CBFA2T2: variants seen among roughly 807,000 people sequenced by gnomAD.
The protein encoded by CBFA2T2 is CBFA2/RUNX1 partner transcriptional co-repressor 2, also known as protein CBFA2T2.
A neutral mutation model predicts 62.2 loss-of-function variants in CBFA2T2; 11 were observed. That is an observed-to-expected ratio of 0.18 (90% CI 0.11 to 0.29). The LOEUF (loss-of-function observed/expected upper bound fraction) is 0.29. Among genes scored for constraint, CBFA2T2 ranks in the 10% least tolerant of loss-of-function variants. The probability of loss-of-function intolerance (pLI) is 1.00; values close to 1 mark genes in which losing one functional copy is unlikely to be tolerated. For synonymous variants in CBFA2T2, 295 were observed against 287.5 expected (o/e 1.03, Z -0.27); for missense variants, 592 against 774.1 (o/e 0.76, Z 2.79).
At chr20:33,552,905 C>T (rs1264538574) in intron 1 of CBFA2T2, among the ~76,000 whole-genome samples, 2 of 152,132 alleles carry the variant, frequency 1.3e-5, no homozygotes, top group Non-Finnish European at 2.9e-5. Flanking sequence ...CATCTCCACC[C>T]CATCCCCCTT....
chr20:33,561,675 G>A (rs1228532073), intron 1 of CBFA2T2, among the ~76,000 whole-genome samples: 2 of 152,014 alleles, frequency 1.3e-5, no homozygotes, highest in Non-Finnish European at 2.9e-5. Context: ...TTATTTTGGC[G>A]ACTCATTGTT....
intron 1 of CBFA2T2, among the ~76,000 whole-genome samples, chr20:33,524,535 G>A (rs1376988009): frequency 1.3e-5 from 2 of 152,108 alleles, no homozygotes; most frequent in Non-Finnish European, 2.9e-5. Flanking sequence ...AGATGGGCAT[G>A]CCATGAACTT....
At chr20:33,502,816 C>T (rs1326421191) in intron 1 of CBFA2T2, among the ~76,000 whole-genome samples, 4 of 148,936 alleles carry the variant, frequency 2.7e-5, no homozygotes, top group Non-Finnish European at 5.9e-5. Flanking sequence ...GGAGGCCGGG[C>T]GCGGTGGCTC....
chr20:33,542,063 T>C (rs1381667182), intron 1 of CBFA2T2, among the ~76,000 whole-genome samples: 1 of 152,104 alleles, frequency 6.6e-6, no homozygotes, highest in Non-Finnish European at 1.5e-5. Flanking sequence ...AACTTTAGTG[T>C]ATAGAGGAGT....
At chr20:33,536,276 G>A (rs1309226989) in intron 1 of CBFA2T2, among the ~76,000 whole-genome samples, 1 of 140,068 alleles carries the variant, frequency 7.1e-6, no homozygotes, top group Non-Finnish European at 1.6e-5. Context: ...TCTCCCAGAC[G>A]GGGCGGCTGG....
At chr20:33,556,733 C>CT (rs2012906461) in intron 1 of CBFA2T2, among the ~76,000 whole-genome samples, 1 of 152,096 alleles carries the variant, frequency 6.6e-6, no homozygotes, top group Non-Finnish European at 1.5e-5. Context: ...CTGCACCCTA[C>CT]TAGTGGTAAT....
At chr20:33,534,559 C>T (rs751012661) in intron 1 of CBFA2T2, among the ~76,000 whole-genome samples, 19 of 152,026 alleles carry the variant, frequency 1.2e-4, no homozygotes, top group Non-Finnish European at 2.5e-4. Flanking sequence ...GTGATCCGTC[C>T]ACCTCGGCCT....
chr20:33,530,807 G>A (rs148092000), intron 1 of CBFA2T2, among the ~76,000 whole-genome samples: 211 of 152,216 alleles, frequency 1.4e-3, no homozygotes, highest in African/African-American at 4.8e-3. Context: ...GGCGCCAGGC[G>A]CGGTGGCTCA....
intron 1 of CBFA2T2, among the ~76,000 whole-genome samples, chr20:33,497,955 T>C (rs1391798275): frequency 6.6e-6 from 1 of 152,216 alleles, no homozygotes; most frequent in African/African-American, 2.4e-5. Flanking sequence ...AATGCTAGGA[T>C]TGCAGATGTG....
chr20:33,612,093 A>G (rs1038687997), intron 3 of CBFA2T2, among the ~76,000 whole-genome samples: 5 of 152,250 alleles, frequency 3.3e-5, no homozygotes, highest in Admixed American at 3.3e-4. Flanking sequence ...TATCAAAATA[A>G]ACAGTATCAA....
chr20:33,633,798 A>G (rs1384663972), intron 8 of CBFA2T2, among the ~76,000 whole-genome samples: 1 of 148,080 alleles, frequency 6.8e-6, no homozygotes, highest in Non-Finnish European at 1.5e-5. Flanking sequence ...AAATACTACT[A>G]TGGCTTGCCA....
intron 1 of CBFA2T2, among the ~76,000 whole-genome samples, chr20:33,515,440 A>C (rs1209610826): frequency 6.6e-6 from 1 of 151,898 alleles, no homozygotes; most frequent in Non-Finnish European, 1.5e-5. Context: ...ATCCTGCTCA[A>C]TGAGGGATAA....
intron 10 of CBFA2T2, among the ~76,000 whole-genome samples, chr20:33,642,655 G>A (rs963498657): frequency 2.6e-5 from 4 of 151,996 alleles, no homozygotes. Flanking sequence ...AGATGAGGGG[G>A]AAAGAAAAGA....
chr20:33,538,623 C>T (rs2012328946), intron 1 of CBFA2T2, among the ~76,000 whole-genome samples: 1 of 152,184 alleles, frequency 6.6e-6, no homozygotes, highest in African/African-American at 2.4e-5. Flanking sequence ...ACCTCGGCCT[C>T]CCAAAGTGCT....
At chr20:33,534,426 C>A (rs1308956381) in intron 1 of CBFA2T2, among the ~76,000 whole-genome samples, 1 of 152,096 alleles carries the variant, frequency 6.6e-6, no homozygotes, top group East Asian at 1.9e-4. Flanking sequence ...TTCAAGTGAT[C>A]CTGAACTTCC....
intron 8 of CBFA2T2, among the ~76,000 whole-genome samples, chr20:33,630,951 G>A (rs1323276621): frequency 6.6e-6 from 1 of 152,178 alleles, no homozygotes; most frequent in African/African-American, 2.4e-5. Context: ...ACAACCATTA[G>A]GTGGAATATC....
At chr20:33,570,892 T>G (rs2013534566) in intron 1 of CBFA2T2, among the ~76,000 whole-genome samples, 2 of 152,202 alleles carry the variant, frequency 1.3e-5, no homozygotes, top group South Asian at 4.1e-4. Context: ...GAACTGAGGT[T>G]TCCACAAGCA....
rs2011135691 is a variant in CBFA2T2, at chr20:33,490,184, G to A, written c.-84G>A. 6 of 1,194,292 alleles carry A rather than the reference G, an allele frequency of 5.0e-6. No homozygotes were observed. The highest frequency in any genetic ancestry group is 4.4e-5 in the Admixed American group (1 of 22,512). The allele number at this position is 1,194,292 out of a possible 1,614,324, so 74.0% of individuals were successfully genotyped here. ...TCGCGGCGACGCCTGCGAGGGACCC[G>A]GGCCGCGGGTCGAGGCGGGCGGCGC... On this transcript the variant is annotated 5_prime_UTR_variant, in exon 1 of 11. Coordinates refer to ENST00000342704, the MANE Select transcript of CBFA2T2 (RefSeq NM_001032999.3).
At chr20:33,635,251 A>G (rs868408925) in intron 8 of CBFA2T2, among the ~76,000 whole-genome samples, 5 of 152,236 alleles carry the variant, frequency 3.3e-5, no homozygotes, top group Admixed American at 6.5e-5. Flanking sequence ...TAAGTGTTAG[A>G]TTAGTAACCT....
Sources: allele counts gnomAD v4.1 joint callset (sites outside exome capture counted in the v4.1 genomes callset), GRCh38; gene constraint gnomAD v4.1.1; transcripts MANE v1.5; gene names NCBI Gene and HGNC (gene_info 2026-07-23, HGNC 2026-07-21).